Variants in TXNDC12 observed in about 807,000 individuals in gnomAD.
TXNDC12 encodes thioredoxin domain-containing protein 12.
Under a neutral mutation model 24.2 loss-of-function variants are expected in TXNDC12, and 22 were observed. That is an observed-to-expected ratio of 0.91 (90% CI 0.65 to 1.30). The LOEUF is 1.30. TXNDC12 is among the 50% of genes most tolerant of loss of function. The probability of loss-of-function intolerance (pLI) is 0.00; values close to 1 mark genes in which losing one functional copy is unlikely to be tolerated. For synonymous variants in TXNDC12, 58 were observed against 73.4 expected (o/e 0.79, Z 1.07); for missense variants, 184 against 205.8 (o/e 0.89, Z 0.65).
chr1:52,040,567 C>G (rs1685966205), intron 2 of TXNDC12, among the ~76,000 whole-genome samples: 1 of 152,110 alleles, frequency 6.6e-6, no homozygotes, highest in Non-Finnish European at 1.5e-5. Flanking sequence ...AGACTAATAC[C>G]TACATATATT....
intron 6 of TXNDC12, among the ~76,000 whole-genome samples, chr1:52,022,408 G>C (rs1685610552): frequency 6.6e-6 from 1 of 152,076 alleles, no homozygotes; most frequent in Non-Finnish European, 1.5e-5. Context: ...TGTTTGTGCT[G>C]GTGCTCTTCT....
Position 52,020,817 on chromosome 1 carries a change from G to C in TXNDC12, c.*116C>G. The C allele has an allele frequency of 1.3e-6, 1 of 792,380 alleles. No individual in the cohort carries two copies. The highest frequency in any genetic ancestry group is 2.1e-6 in the Non-Finnish European group (1 of 480,184). The allele number at this position is 792,380 out of a possible 1,614,324, so 49.1% of individuals were successfully genotyped here. ...CAGTGAGAGCGCTCCTTCCAGTGTA[G>C]GTAGGAATGAGGTTTCCTGGTCGGC... On this transcript the variant is annotated 3_prime_UTR_variant, in exon 7 of 7. Transcript: ENST00000371626.
At chr1:52,028,487 T>C (rs1685706294) in intron 3 of TXNDC12, 91 bp downstream of exon 3, 2 of 1,000,822 alleles carry the variant, frequency 2.0e-6, no homozygotes, top group Non-Finnish European at 1.6e-6. Context: ...CAGTCAGTAG[T>C]GCTGGGCCAG....
At chr1:52,027,085 C>G (rs1571998581) in intron 4 of TXNDC12, among the ~76,000 whole-genome samples, 190 bp downstream of exon 4, 1 of 152,008 alleles carries the variant, frequency 6.6e-6, no homozygotes, top group Non-Finnish European at 1.5e-5. Context: ...CTCCTAGTTC[C>G]TCCCAGAAAT....
At chr1:52,055,398 C>A (rs1481108179), upstream of TXNDC12, 3 of 348,530 alleles carry the variant, frequency 8.6e-6, no homozygotes, top group Non-Finnish European at 1.6e-5. Context: ...AAAATGTAGG[C>A]CAAGATAGTA....
chr1:52,028,515 G>C (rs1248899316), intron 3 of TXNDC12, 63 bp downstream of exon 3: 1 of 1,357,478 alleles, frequency 7.4e-7, no homozygotes, highest in South Asian at 1.2e-5. Context: ...GCCAATATTT[G>C]TTAAATGTTA....
intron 2 of TXNDC12, chr1:52,033,054 C>T (rs1557992966): frequency 6.3e-7 from 1 of 1,594,058 alleles, no homozygotes; most frequent in Non-Finnish European, 8.5e-7. Context: ...GCAACGGCTC[C>T]TCTAGGCCCA....
chr1:52,041,451 G>T, intron 2 of TXNDC12, 86 bp downstream of exon 2: 1 of 865,526 alleles, frequency 1.2e-6, no homozygotes, highest in Non-Finnish European at 1.9e-6. Flanking sequence ...CTCTGCCTTG[G>T]TATAGCCCTT....
intron 2 of TXNDC12, chr1:52,032,545 C>T (rs929191666): frequency 4.4e-5 from 62 of 1,397,324 alleles, no homozygotes; most frequent in Non-Finnish European, 4.1e-5. Flanking sequence ...AGGCCTGGCA[C>T]AGGGGTATGC....
At chr1:52,034,122 G>A in intron 2 of TXNDC12, 5 of 1,153,402 alleles carry the variant, frequency 4.3e-6, no homozygotes, top group Non-Finnish European at 5.5e-6. Context: ...ATAAATGCTG[G>A]TTCTCCTTCA....
At chr1:52,044,482 T>C (rs966695919) in intron 1 of TXNDC12, among the ~76,000 whole-genome samples, 3 of 152,048 alleles carry the variant, frequency 2.0e-5, no homozygotes, top group Admixed American at 1.3e-4. Context: ...GAACAACCAT[T>C]ATGAGCTCAC....
intron 2 of TXNDC12, 100 bp downstream of exon 2, chr1:52,041,437 C>T: frequency 1.4e-6 from 1 of 693,106 alleles, no homozygotes; most frequent in Middle Eastern, 2.5e-4. Flanking sequence ...CTATTCAGTT[C>T]TTGCTCTGCC....
At chr1:52,023,614 CAACA>C in intron 5 of TXNDC12, 40 bp from the exon 6 acceptor site, 2 of 1,506,128 alleles carry the variant, frequency 1.3e-6, no homozygotes, top group African/African-American at 2.7e-5. Context: ...GCAGTAATTA[CAACA>C]GACAGGTACT....
chr1:52,047,315 G>A (rs868463090), intron 1 of TXNDC12, among the ~76,000 whole-genome samples: 12 of 152,162 alleles, frequency 7.9e-5, no homozygotes, highest in African/African-American at 2.7e-4. Context: ...GGCCTCTTCC[G>A]ATTCCTTCTG....
In TXNDC12 at chr1:52,020,761, C is replaced by T. The variant is rs1372436698; in HGVS notation, c.*172G>A. 3 of 562,256 alleles carry T rather than the reference C, an allele frequency of 5.3e-6. No homozygotes were observed. Among genetic ancestry groups the T allele is most frequent in the Middle Eastern group, 3.1e-4 (1 of 3,256 alleles). The allele number at this position is 562,256 out of a possible 1,614,324, so 34.8% of individuals were successfully genotyped here. On this transcript the variant is annotated 3_prime_UTR_variant, in exon 7 of 7. Transcript: ENST00000371626. The stretch of plus-strand genomic sequence containing the variant: ...ACTCTCCGCTGGATCCACAAACATG[C>T]AGACCAGCTTCTGTTAGCAGAACTC...
chr1:52,023,646 C>T lies in TXNDC12; in HGVS notation c.356-72G>A, dbSNP rs747978327. The T allele has an allele frequency of 4.3e-4, 500 of 1,167,512 alleles. 3 individuals carry two copies. Among genetic ancestry groups the T allele is most frequent in the Non-Finnish European group, 6.0e-4 (465 of 778,432 alleles). 72.3% of individuals were successfully genotyped at this position (1,167,512 alleles called of 1,614,324 possible). ...CAGGTACTTCAAACACTACCTGGTA[C>T]ATCGGGCCCTCTGGGAAATAAGATC... On this transcript the variant is annotated intron_variant, in intron 5 of 6. Coordinates refer to ENST00000371626, the MANE Select transcript of TXNDC12 (RefSeq NM_015913.4).
intron 1 of TXNDC12, among the ~76,000 whole-genome samples, chr1:52,046,799 C>T (rs2992179): frequency 0.033 from 4,990 of 149,346 alleles, 106 homozygotes; most frequent in Non-Finnish European, 0.042. Context: ...AGGCGGATCA[C>T]GAGGTCAAGA....
intron 2 of TXNDC12, among the ~76,000 whole-genome samples, chr1:52,035,905 G>C (rs1685875232): frequency 1.3e-5 from 2 of 152,206 alleles, no homozygotes; most frequent in East Asian, 3.9e-4. Context: ...AGAGTGCTTG[G>C]GTCTGCCACT....
Position 52,033,991 on chromosome 1 carries a change from G to T in TXNDC12, c.159-5361C>A. 3 of 1,403,378 alleles carry T rather than the reference G, an allele frequency of 2.1e-6. No homozygotes were observed. In the South Asian group the frequency reaches 5.1e-5, roughly 24 times the overall value. The allele number at this position is 1,403,378 out of a possible 1,614,324, so 86.9% of individuals were successfully genotyped here. ...CAGTTATTTATGCCAAATGTTATAGGCCTCAGGAGAATGTGATCTTCCTGC... is the reference window on the plus strand; with the variant it reads ...CAGTTATTTATGCCAAATGTTATAGTCCTCAGGAGAATGTGATCTTCCTGC... On this transcript the variant is annotated intron_variant, in intron 2 of 6. Coordinates refer to ENST00000371626, the MANE Select transcript of TXNDC12 (RefSeq NM_015913.4).
Sources: gnomAD v4.1 joint callset for allele counts (sites outside exome capture counted in the v4.1 genomes callset) on GRCh38, gnomAD v4.1.1 for gene constraint, MANE v1.5 for transcripts, NCBI Gene and HGNC (gene_info 2026-07-23, HGNC 2026-07-21) for gene names.